Variants in HSPA4 observed in about 807,000 individuals in gnomAD.
HSPA4 encodes heat shock 70 kDa protein 4.
A neutral mutation model predicts 106.2 loss-of-function variants in HSPA4; 25 were observed. The ratio of observed to expected loss-of-function variants is 0.24; its 90% CI spans 0.17 to 0.33. HSPA4 has a LOEUF of 0.33. Ranked by LOEUF, HSPA4 falls within the 10% of genes least tolerant of loss-of-function variation. The probability of loss-of-function intolerance (pLI) is 1.00; values close to 1 mark genes in which losing one functional copy is unlikely to be tolerated. For synonymous variants in HSPA4, 332 were observed against 333.6 expected (o/e 1.00, Z 0.05); for missense variants, 841 against 996.0 (o/e 0.84, Z 2.10).
chr5:133,082,303 A>G (rs113026396), intron 7 of HSPA4, among the ~76,000 whole-genome samples: 1 of 152,196 alleles, frequency 6.6e-6, no homozygotes, highest in Non-Finnish European at 1.5e-5. Context: ...TGATGAAAAT[A>G]TTCTTTTTTA....
chr5:133,055,935 G>A (rs1053021201), intron 1 of HSPA4, among the ~76,000 whole-genome samples: 1 of 152,078 alleles, frequency 6.6e-6, no homozygotes, highest in Non-Finnish European at 1.5e-5. Context: ...AAAATTAGCT[G>A]GGTGTGGTGG....
chr5:133,096,283 T>C (rs755294490), intron 14 of HSPA4, 33 bp downstream of exon 14: 85 of 1,587,764 alleles, frequency 5.4e-5, no homozygotes, highest in Non-Finnish European at 6.6e-5. Flanking sequence ...AACAATGAGC[T>C]AACAAATTAA....
At chr5:133,077,594 A>G (rs1475263003) in intron 7 of HSPA4, among the ~76,000 whole-genome samples, 1 of 152,116 alleles carries the variant, frequency 6.6e-6, no homozygotes, top group Non-Finnish European at 1.5e-5. Context: ...CTCTTTTTGT[A>G]TAGTGCTGCA....
At chr5:133,082,367 A>G (rs1022270313) in intron 7 of HSPA4, among the ~76,000 whole-genome samples, 2 of 152,204 alleles carry the variant, frequency 1.3e-5, no homozygotes, top group Non-Finnish European at 2.9e-5. Context: ...CTCTGTATAT[A>G]TGAAGTCACT....
chr5:133,102,444 A>G (rs1765799399), intron 17 of HSPA4, among the ~76,000 whole-genome samples: 1 of 152,200 alleles, frequency 6.6e-6, no homozygotes, highest in African/African-American at 2.4e-5. Flanking sequence ...TTGACTTAAC[A>G]TGCACTATCC....
chr5:133,052,128 C>T lies in HSPA4; in HGVS notation c.-123C>T. 3.1e-6 allele frequency: 2 copies of T among 653,262 alleles called. No homozygotes were observed. The highest frequency in any genetic ancestry group is 5.3e-6 in the Non-Finnish European group (2 of 377,544). 40.5% of individuals were successfully genotyped at this position (653,262 alleles called of 1,614,324 possible). On this transcript the variant is annotated 5_prime_UTR_variant, in exon 1 of 19. Coordinates refer to ENST00000304858, the MANE Select transcript of HSPA4 (RefSeq NM_002154.4). ...GGAAGGACTTAGGCGCTCGCGTGGACACCGCAAGCCCCTCAGTAGCCTCGG... is the reference window on the plus strand; with the variant it reads ...GGAAGGACTTAGGCGCTCGCGTGGATACCGCAAGCCCCTCAGTAGCCTCGG...
At chr5:133,095,388 T>C (rs2126714390) in intron 13 of HSPA4, among the ~76,000 whole-genome samples, 1 of 152,304 alleles carries the variant, frequency 6.6e-6, no homozygotes, top group East Asian at 1.9e-4. Flanking sequence ...GGATAAAATA[T>C]TACTAGGCAG....
chr5:133,058,381 T>TA (rs1216851904), intron 1 of HSPA4, among the ~76,000 whole-genome samples: 1 of 151,948 alleles, frequency 6.6e-6, no homozygotes, highest in Non-Finnish European at 1.5e-5. Context: ...AACCATCTCT[T>TA]AAAAAACATA....
chr5:133,089,062 T>C lies in HSPA4; in HGVS notation c.1145T>C (p.Ile382Thr), dbSNP rs1765613236. ...TGAAAATTATTATTCTAGTGTGCCA[T>C]CTTATCGCCTGCTTTCAAAGTCAGA... ...VTRGCALQCA[I>T]LSPAFKVREF... The change falls in exon 10 of 19, where the codon ATC becomes ACC. Residue 382 changes from isoleucine (I) to threonine (T), a missense_variant. Coordinates refer to ENST00000304858, the MANE Select transcript of HSPA4 (RefSeq NM_002154.4). 2 of 1,586,038 alleles carry C rather than the reference T, an allele frequency of 1.3e-6. No homozygotes were observed. The highest frequency in any genetic ancestry group is 2.3e-5 in the South Asian group (2 of 87,374).
chr5:133,083,255 T>C (rs1382462428), intron 7 of HSPA4, among the ~76,000 whole-genome samples: 4 of 151,862 alleles, frequency 2.6e-5, no homozygotes, highest in Non-Finnish European at 5.9e-5. Context: ...GAGGTAGCAG[T>C]GAGCTGAGAT....
At chr5:133,070,152 CAG>C (rs372746519) in intron 3 of HSPA4, among the ~76,000 whole-genome samples, 5 of 151,470 alleles carry the variant, frequency 3.3e-5, no homozygotes, top group Non-Finnish European at 7.4e-5. Flanking sequence ...GAGAGAATGA[CAG>C]AGAGAGAGAC....
chr5:133,085,853 TAC>T (rs1369908843), intron 7 of HSPA4, among the ~76,000 whole-genome samples: 1 of 152,184 alleles, frequency 6.6e-6, no homozygotes, highest in Non-Finnish European at 1.5e-5. Flanking sequence ...GGTGAATACT[TAC>T]ACATTGTTAA....
At chr5:133,052,481 G>A (rs1428534577) in intron 1 of HSPA4, 124 bp downstream of exon 1, 3 of 640,044 alleles carry the variant, frequency 4.7e-6, no homozygotes, top group Non-Finnish European at 7.9e-6. Flanking sequence ...CCGAGGTCCC[G>A]GTAGGTCAGG....
intron 7 of HSPA4, among the ~76,000 whole-genome samples, chr5:133,079,123 T>G (rs1194005183): frequency 6.6e-6 from 1 of 152,260 alleles, no homozygotes; most frequent in Non-Finnish European, 1.5e-5. Context: ...AATGGTTTCT[T>G]CACTTAAAAA....
At chr5:133,057,853 T>TA (rs1199126179) in intron 1 of HSPA4, among the ~76,000 whole-genome samples, 1 of 152,172 alleles carries the variant, frequency 6.6e-6, no homozygotes, top group African/African-American at 2.4e-5. Context: ...AAGTGTAAGA[T>TA]AGAGATTCCT....
rs748459297 is a variant in HSPA4, at chr5:133,072,392, G to GTTTTTTTTTT, written c.430-824_430-815dup. Among the ~76,000 whole-genome samples the GTTTTTTTTTT allele has an allele frequency of 1.6e-3, 124 of 75,732 alleles. 6 individuals are homozygous for GTTTTTTTTTT. The highest frequency in any genetic ancestry group is 4.9e-3 in the African/African-American group (92 of 18,870). The allele number at this position is 75,732 out of a possible 152,430, so 49.7% of individuals were successfully genotyped here. ...GTTCTGCCTAGCCTGGTCCAGGGTT[G>GTTTTTTTTTT]TTTTTTTTTTTTTTTTTTTTTTTGG... On this transcript the variant is annotated intron_variant, in intron 4 of 18. Transcript: ENST00000304858.
chr5:133,067,534 C>A lies in HSPA4; in HGVS notation c.283C>A (p.Pro95Thr). 6.2e-7 allele frequency: 1 copy of A among 1,613,528 alleles called. No individual in the cohort carries two copies. Among genetic ancestry groups the A allele is most frequent in the Non-Finnish European group, 8.5e-7 (1 of 1,179,666 alleles). ...SNLAYDIVQLPTGLTGIKVTY... is the reference protein window; with the variant it reads ...SNLAYDIVQLTTGLTGIKVTY... ...CCTTGCATATGATATTGTGCAGTTG[C>A]CTACAGGATTAACAGGTATAAAGGT... Residue 95 changes from proline to threonine, a missense_variant, in exon 3 of 19, where the codon CCT (proline) becomes ACT (threonine). Coordinates refer to ENST00000304858, the MANE Select transcript of HSPA4 (RefSeq NM_002154.4).
rs1460598388 is a variant in HSPA4, at chr5:133,067,371, A to G, written c.166-46A>G. On this transcript the variant is annotated intron_variant, in intron 2 of 18. Transcript: ENST00000304858. ...TAATCTGAGGCTGTTGAAATAAAAA[A>G]AAAATTAGTAGTAGTCTTTCCACTC... is the stretch of plus-strand genomic sequence containing the variant. The G allele has an allele frequency of 2.0e-6, 3 of 1,514,906 alleles. No homozygotes were observed. The South Asian group carries it at 3.7e-5, about 19-fold the overall frequency. 93.8% of individuals were successfully genotyped at this position (1,514,906 alleles called of 1,614,324 possible).
At chr5:133,083,663 A>G (rs1434965941) in intron 7 of HSPA4, among the ~76,000 whole-genome samples, 1 of 151,784 alleles carries the variant, frequency 6.6e-6, no homozygotes, top group Non-Finnish European at 1.5e-5. Context: ...TCAGCTTCCC[A>G]AGTAGCTGGG....
Sources: allele counts gnomAD v4.1 joint callset (sites outside exome capture counted in the v4.1 genomes callset), GRCh38; gene constraint gnomAD v4.1.1; transcripts MANE v1.5; gene names NCBI Gene and HGNC (gene_info 2026-07-23, HGNC 2026-07-21).